Variants in AMPD3 observed in about 807,000 individuals in gnomAD.
AMPD3 encodes the protein adenosine monophosphate deaminase 3, also known as AMP deaminase 3.
AMPD3 carries 57 observed loss-of-function variants against 82.3 expected under a neutral mutation model. That is an observed-to-expected ratio of 0.69 (90% CI 0.56 to 0.86). The LOEUF (loss-of-function observed/expected upper bound fraction) is 0.86. Ranked by LOEUF, AMPD3 falls within the 40% of genes least tolerant of loss-of-function variation. AMPD3 has a pLI of 0.00. For missense variants in AMPD3, 870 were observed against 1,003.8 expected, an observed-to-expected ratio of 0.87 and a Z score of 1.80; for synonymous variants, 381 against 394.7, an observed-to-expected ratio of 0.97 and a Z score of 0.41.
intron 2 of AMPD3, among the ~76,000 whole-genome samples, chr11:10,475,480 C>CT (rs1437343229): frequency 6.6e-6 from 1 of 152,146 alleles, no homozygotes; most frequent in African/African-American, 2.4e-5. Flanking sequence ...CCTTTACTGG[C>CT]TGGGCCTCGG....
Position 10,487,331 on chromosome 11 carries a change from T to C in AMPD3, c.906T>C (p.Ser302=), listed in dbSNP as rs374669155. ...TGTCCGAGTTCAAAGAGTTGAAGAGTAACCCCCACCGGGACTTCTATAACG... is the reference window on the plus strand; with the variant it reads ...TGTCCGAGTTCAAAGAGTTGAAGAGCAACCCCCACCGGGACTTCTATAACG... The part of the protein sequence containing the change: ...NEMSEFKELK[S]NPHRDFYNVR... Residue 302 remains serine, a synonymous_variant, in exon 6 of 15, where the codon AGT becomes AGC. Coordinates refer to ENST00000396553, the MANE Select transcript of AMPD3 (RefSeq NM_001025389.2). The C allele has an allele frequency of 1.9e-6, 3 of 1,613,868 alleles. No homozygotes were observed. The highest frequency in any genetic ancestry group is 2.5e-6 in the Non-Finnish European group (3 of 1,180,014).
At chr11:10,453,213 A>T (rs1046767267), upstream of AMPD3, among the ~76,000 whole-genome samples, 1 of 152,134 alleles carries the variant, frequency 6.6e-6, no homozygotes, top group Non-Finnish European at 1.5e-5. Context: ...GGCCTCCCAA[A>T]GCGCTGGGAT....
At chr11:10,464,773 A>G (rs977284341) in intron 2 of AMPD3, among the ~76,000 whole-genome samples, 3 of 152,194 alleles carry the variant, frequency 2.0e-5, no homozygotes, top group African/African-American at 7.2e-5. Context: ...CCCTCTCCCC[A>G]GCTCCCTCTT....
At chr11:10,501,945 A>T in intron 12 of AMPD3, 1 of 985,366 alleles carries the variant, frequency 1.0e-6, no homozygotes, top group South Asian at 4.7e-5. Context: ...TTACTGTTGT[A>T]TGACAAGCAT....
chr11:10,494,496 T>C, intron 7 of AMPD3: 2 of 898,582 alleles, frequency 2.2e-6, no homozygotes, highest in Non-Finnish European at 1.3e-6. Context: ...GTGTTGTACA[T>C]GCTTTATTAG....
At chr11:10,492,607 C>T (rs1303497188) in intron 6 of AMPD3, among the ~76,000 whole-genome samples, 1 of 152,114 alleles carries the variant, frequency 6.6e-6, no homozygotes, top group South Asian at 2.1e-4. Flanking sequence ...TCCATTGGTT[C>T]GACTTTGTAC....
chr11:10,497,198 G>A (rs1849431264), intron 10 of AMPD3, among the ~76,000 whole-genome samples: 1 of 152,184 alleles, frequency 6.6e-6, no homozygotes, highest in Admixed American at 6.5e-5. Flanking sequence ...CAGCAGGGAA[G>A]GCAACAGTGG....
chr11:10,488,171 G>T, intron 6 of AMPD3: 1 of 981,358 alleles, frequency 1.0e-6, no homozygotes, highest in East Asian at 1.1e-4. Flanking sequence ...GTCTCCGCCT[G>T]CAGGGGCCGC....
chr11:10,499,144 C>T (rs567458964), intron 10 of AMPD3: 1 of 152,562 alleles, frequency 6.6e-6, no homozygotes, highest in Admixed American at 6.5e-5. Flanking sequence ...CTGGCCACAC[C>T]TGGACATGCC....
chr11:10,505,564 T>A, intron 14 of AMPD3, 144 bp from the exon 15 acceptor site: 1 of 1,488,180 alleles, frequency 6.7e-7, no homozygotes. Context: ...TTTTAAGAGT[T>A]CTGTGGGGAT....
chr11:10,489,215 C>T (rs1426551124), intron 6 of AMPD3, among the ~76,000 whole-genome samples: 1 of 152,216 alleles, frequency 6.6e-6, no homozygotes, highest in African/African-American at 2.4e-5. Context: ...GAACTCCTCT[C>T]AGCCCTGCCC....
chr11:10,493,491 G>A lies in AMPD3; in HGVS notation c.1082G>A (p.Gly361Asp). 6.2e-7 allele frequency: 1 copy of A among 1,614,176 alleles called. No individual in the cohort carries two copies. Among genetic ancestry groups the A allele is most frequent in the South Asian group, 1.1e-5 (1 of 91,084 alleles). ...RKITLRQVFD[G>D]LHMDPYDLTV... ...ATCACCCTGCGGCAGGTGTTTGACG[G>A]CCTGCACATGGACCCCTACGACCTC... The change falls in exon 7 of 15, where the codon GGC becomes GAC. Residue 361 changes from glycine to aspartate, a missense_variant. Gly to Asp is a moderately conservative substitution (Grantham distance 94). Transcript: ENST00000396553.
rs142155977 is a variant in AMPD3, at chr11:10,457,032, C to T, written c.-6+1584C>T. Among the ~76,000 whole-genome samples the T allele has an allele frequency of 7.4e-3, 1,076 of 145,144 alleles. 19 individuals are homozygous for T. The highest frequency in any genetic ancestry group is 0.026 in the African/African-American group (1,022 of 38,576). ...TTGCTCTGTCACCCAGGCTGGAGTA[C>T]GGTGGTGCCATCATGGCTCACTGCA... On this transcript the variant is annotated intron_variant, in intron 1 of 14. Transcript: ENST00000396553.
chr11:10,493,300 T>C lies in AMPD3; in HGVS notation c.940-49T>C, dbSNP rs111804421. ...GAGGGTTGGATGTCTTAACTCTTGT[T>C]GCTAGGGGAGGTGGCCTGACTCAGG... is the stretch of plus-strand genomic sequence containing the variant. On this transcript the variant is annotated intron_variant, in intron 6 of 14. Coordinates refer to ENST00000396553, the MANE Select transcript of AMPD3 (RefSeq NM_001025389.2). 14 of 1,607,726 alleles carry C rather than the reference T, an allele frequency of 8.7e-6. No homozygotes were observed. The African/African-American group carries it at 1.6e-4, about 18-fold the overall frequency.
At chr11:10,501,778 T>C (rs1325777700) in intron 12 of AMPD3, 188 bp downstream of exon 12, 1 of 985,010 alleles carries the variant, frequency 1.0e-6, no homozygotes, top group East Asian at 1.1e-4. Context: ...TTCCAAAAAC[T>C]GGAGAAATGG....
At chr11:10,497,148 G>T (rs774606441) in intron 10 of AMPD3, among the ~76,000 whole-genome samples, 2 of 152,080 alleles carry the variant, frequency 1.3e-5, no homozygotes, top group East Asian at 1.9e-4. Context: ...CAGTGGGTGT[G>T]GGGGGATGGG....
Position 10,467,894 on chromosome 11 carries a change from A to G in AMPD3, c.221+6154A>G, listed in dbSNP as rs536793436. On this transcript the variant is annotated intron_variant, in intron 2 of 14. Transcript: ENST00000396553. Reference sequence around the variant, plus strand: ...TCTTGAAGAAAAGAATTTTCAACCCAGAATTTCATATGCAGCCAAACAAAG... The same window carrying G: ...TCTTGAAGAAAAGAATTTTCAACCCGGAATTTCATATGCAGCCAAACAAAG... 3.1e-4 allele frequency among the ~76,000 whole-genome samples: 47 copies of G among 152,374 alleles called. 1 individual carries two copies. The highest frequency in any genetic ancestry group is 6.8e-3 in the Middle Eastern group (2 of 294).
At chr11:10,469,932 T>C (rs1002651337) in intron 2 of AMPD3, among the ~76,000 whole-genome samples, 4 of 148,836 alleles carry the variant, frequency 2.7e-5, no homozygotes, top group African/African-American at 7.5e-5. Context: ...CCCAGCTACT[T>C]GGGAGGCTGA....
chr11:10,452,898 C>A (rs1847995276), upstream of AMPD3, among the ~76,000 whole-genome samples: 1 of 152,092 alleles, frequency 6.6e-6, no homozygotes, highest in Non-Finnish European at 1.5e-5. Context: ...GGTCATACAA[C>A]TAAGTGGTGG....
Sources: allele counts gnomAD v4.1 joint callset (sites outside exome capture counted in the v4.1 genomes callset), GRCh38; gene constraint gnomAD v4.1.1; transcripts MANE v1.5; gene names NCBI Gene and HGNC (gene_info 2026-07-23, HGNC 2026-07-21).